ZNF521: variants seen among roughly 807,000 people sequenced by gnomAD.
ZNF521 encodes the protein zinc finger protein 521.
Under a neutral mutation model 105.5 loss-of-function variants are expected in ZNF521, and 14 were observed. The ratio of observed to expected loss-of-function variants is 0.13; its 90% CI spans 0.09 to 0.21. The LOEUF is 0.21. ZNF521 is among the 10% of genes least tolerant of loss of function. The probability of loss-of-function intolerance (pLI) is 1.00; values close to 1 mark genes in which losing one functional copy is unlikely to be tolerated. For missense variants in ZNF521, 1,233 were observed against 1,629.7 expected, an observed-to-expected ratio of 0.76 and a Z score of 4.19; for synonymous variants, 635 against 606.0, an observed-to-expected ratio of 1.05 and a Z score of -0.70.
At chr18:25,326,078 A>T (rs1913200017) in intron 2 of ZNF521, among the ~76,000 whole-genome samples, 1 of 152,206 alleles carries the variant, frequency 6.6e-6, no homozygotes, top group Non-Finnish European at 1.5e-5. Context: ...ACCAGCAGAA[A>T]TTCTATTCTG....
intron 3 of ZNF521, among the ~76,000 whole-genome samples, chr18:25,269,398 A>G (rs1909490913): frequency 6.6e-6 from 1 of 152,336 alleles, no homozygotes; most frequent in African/African-American, 2.4e-5. Context: ...GAAAATTAAC[A>G]AAGACATTCA....
rs1175274067 is a variant in ZNF521 at position 25,226,988 on chromosome 18, GTTC to G, written c.927_929del (p.Lys309del). On this transcript the variant is annotated inframe_deletion, in exon 4 of 8. Transcript: ENST00000361524. This position sits in a 1 kb window ranked among gnomAD's most constrained non-coding sequence, Gnocchi z 4.1. Reference sequence around the variant, plus strand: ...AACTCTCAGAACAAATGCTGCATGAGTTCTTCTTCTCCCCGCTATGCACCTGCT... The same window carrying G: ...AACTCTCAGAACAAATGCTGCATGAGTTCTTCTCCCCGCTATGCACCTGCT... 12 of 1,613,974 alleles carry G rather than the reference GTTC, an allele frequency of 7.4e-6. No individual in the cohort carries two copies. Among genetic ancestry groups the G allele is most frequent in the Non-Finnish European group, 9.3e-6 (11 of 1,180,020 alleles).
chr18:25,288,384 A>G (rs767125831), intron 3 of ZNF521, among the ~76,000 whole-genome samples: 7 of 152,106 alleles, frequency 4.6e-5, no homozygotes, highest in African/African-American at 1.7e-4. Flanking sequence ...TCCCCAGCAA[A>G]CTTTAGTCTC....
At chr18:25,289,510 A>G (rs1427487329) in intron 3 of ZNF521, among the ~76,000 whole-genome samples, 1 of 152,180 alleles carries the variant, frequency 6.6e-6, no homozygotes, top group East Asian at 1.9e-4. Context: ...TGAAACTACA[A>G]TGAAGAGCTC....
chr18:25,347,109 T>C (rs561048478), intron 2 of ZNF521, among the ~76,000 whole-genome samples: 47 of 152,324 alleles, frequency 3.1e-4, no homozygotes, highest in African/African-American at 1.0e-3. Flanking sequence ...TAGGTCACAA[T>C]TGACCAATTT....
rs10667710 is a variant in ZNF521 at position 25,113,761 on chromosome 18, GACACACAC to G, written c.3659-21688_3659-21681del. Among the ~76,000 whole-genome samples, 341 of 101,756 alleles carry G rather than the reference GACACACAC, an allele frequency of 3.4e-3. 1 individual carries two copies. The highest frequency in any genetic ancestry group is 0.012 in the African/African-American group (325 of 26,860). 66.8% of individuals were successfully genotyped at this position (101,756 alleles called of 152,430 possible). A position where few individuals can be genotyped will look rare whatever the true frequency, so the allele number is the denominator to read the frequency against. On this transcript the variant is annotated intron_variant, in intron 5 of 7. Transcript: ENST00000361524. ...AGGCAGGCAGACCGAAGGACGGACGGACACACACACACACACACACACACACACACACA... is the reference window on the plus strand; with the variant it reads ...AGGCAGGCAGACCGAAGGACGGACGGACACACACACACACACACACACACA...
intron 3 of ZNF521, among the ~76,000 whole-genome samples, chr18:25,256,483 AAAG>A (rs1401790880): frequency 6.6e-6 from 1 of 152,200 alleles, no homozygotes; most frequent in Non-Finnish European, 1.5e-5. Flanking sequence ...AAATGCCTTA[AAAG>A]AAGACAGTGA....
At chr18:25,100,632 A>T (rs1295766769) in intron 5 of ZNF521, among the ~76,000 whole-genome samples, 4 of 151,930 alleles carry the variant, frequency 2.6e-5, no homozygotes, top group Non-Finnish European at 5.9e-5. Flanking sequence ...AATGAGTCAC[A>T]TTTTTATTGT....
chr18:25,271,808 C>T (rs1487331908), intron 3 of ZNF521, among the ~76,000 whole-genome samples: 1 of 152,252 alleles, frequency 6.6e-6, no homozygotes, highest in East Asian at 1.9e-4. Flanking sequence ...ACCATAAAAA[C>T]CATAGAAGAA....
chr18:25,240,612 G>C (rs1385547430), intron 3 of ZNF521, among the ~76,000 whole-genome samples: 1 of 152,140 alleles, frequency 6.6e-6, no homozygotes, highest in Non-Finnish European at 1.5e-5. Flanking sequence ...GAGAGCCTGA[G>C]TGTTGAAGAG....
At chr18:25,237,187 C>T (rs114564195) in intron 3 of ZNF521, among the ~76,000 whole-genome samples, 34 of 152,182 alleles carry the variant, frequency 2.2e-4, no homozygotes, top group African/African-American at 7.7e-4. Context: ...GGTATGTGTA[C>T]GCTTGCATGC....
intron 5 of ZNF521, among the ~76,000 whole-genome samples, chr18:25,166,874 C>T (rs78350086): frequency 0.023 from 3,567 of 152,162 alleles, 62 homozygotes; most frequent in South Asian, 0.043. Context: ...TGATTTAGTT[C>T]GTACATTAAT....
At chr18:25,065,603 C>G (rs2033036487) in intron 7 of ZNF521, among the ~76,000 whole-genome samples, 1 of 150,650 alleles carries the variant, frequency 6.6e-6, no homozygotes, top group Non-Finnish European at 1.5e-5. Flanking sequence ...AGGACTCTGA[C>G]AGAAAGATGG....
At chr18:25,137,917 A>C (rs984441546) in intron 5 of ZNF521, among the ~76,000 whole-genome samples, 4 of 152,186 alleles carry the variant, frequency 2.6e-5, no homozygotes, top group Admixed American at 2.6e-4. Context: ...AAAGCAAAAA[A>C]AGTCTTTATT....
chr18:25,074,577 G>A (rs1303324755), intron 7 of ZNF521, among the ~76,000 whole-genome samples: 1 of 152,138 alleles, frequency 6.6e-6, no homozygotes, highest in East Asian at 1.9e-4. Flanking sequence ...AGTCAGGAAT[G>A]GTTGGGTGCA....
chr18:25,336,283 T>G (rs1467220745), intron 2 of ZNF521, among the ~76,000 whole-genome samples: 1 of 152,154 alleles, frequency 6.6e-6, no homozygotes, highest in African/African-American at 2.4e-5. Flanking sequence ...ATGCAGAAAA[T>G]CATCCCCTCG....
intron 3 of ZNF521, among the ~76,000 whole-genome samples, chr18:25,280,360 T>A (rs1910286787): frequency 6.6e-6 from 1 of 152,080 alleles, no homozygotes; most frequent in South Asian, 2.1e-4. Context: ...TCAGGCACTT[T>A]TACAAAGAAA....
intron 3 of ZNF521, among the ~76,000 whole-genome samples, chr18:25,292,676 T>G (rs1330953879): frequency 6.6e-6 from 1 of 152,198 alleles, no homozygotes; most frequent in Admixed American, 6.5e-5. Flanking sequence ...CCATTAGACA[T>G]GACCATGTGG....
intron 3 of ZNF521, among the ~76,000 whole-genome samples, chr18:25,320,235 T>C (rs1403145709): frequency 6.6e-6 from 1 of 152,148 alleles, no homozygotes; most frequent in Non-Finnish European, 1.5e-5. Flanking sequence ...TGCAATGGCG[T>C]GATCTCAGCT....
Sources: allele counts gnomAD v4.1 joint callset (sites outside exome capture counted in the v4.1 genomes callset), GRCh38; gene constraint gnomAD v4.1.1; non-coding constraint Gnocchi (gnomAD v3.1); transcripts MANE v1.5; gene names NCBI Gene and HGNC (gene_info 2026-07-23, HGNC 2026-07-21).